ANKRD62: variants seen among roughly 807,000 people sequenced by gnomAD.
ANKRD62 encodes the protein ankyrin repeat domain-containing protein 62.
In ANKRD62, 61 loss-of-function variants were observed where a neutral mutation model predicts 98.8. That is an observed-to-expected ratio of 0.62 (90% confidence interval 0.50 to 0.76). The LOEUF is 0.76. Ranked by LOEUF, ANKRD62 falls within the 30% of genes least tolerant of loss-of-function variation. The pLI is 0.00. For synonymous variants in ANKRD62, 341 were observed against 367.9 expected (o/e 0.93, Z 0.84); for missense variants, 933 against 1,082.9 (o/e 0.86, Z 1.94).
At chr18:12,097,844 T>C (rs1023054190) in intron 5 of ANKRD62, 67 bp downstream of exon 5, 3 of 1,495,068 alleles carry the variant, frequency 2.0e-6, no homozygotes, top group African/African-American at 2.8e-5. Flanking sequence ...TTGCATCTTA[T>C]ATATCAAGTG....
At chr18:12,161,343 G>A in the ANKRD62 span, among the ~76,000 whole-genome samples, 1 of 151,998 alleles carries the variant, frequency 6.6e-6, no homozygotes, top group Non-Finnish European at 1.5e-5. Flanking sequence ...AAAAATTCCA[G>A]CCTATCTCAT....
the ANKRD62 span, among the ~76,000 whole-genome samples, chr18:12,138,460 T>A: frequency 6.6e-6 from 1 of 152,236 alleles, no homozygotes; most frequent in Non-Finnish European, 1.5e-5. Context: ...AGTGTTTTAC[T>A]TCCAACGATG....
At chr18:12,130,703 T>C (rs1707041830), downstream of ANKRD62, among the ~76,000 whole-genome samples, 1 of 151,414 alleles carries the variant, frequency 6.6e-6, no homozygotes, top group Non-Finnish European at 1.5e-5. Context: ...GGTTGGGGGA[T>C]GCAGTGGGGC....
chr18:12,116,518 C>T (rs1909669010), intron 10 of ANKRD62, among the ~76,000 whole-genome samples: 1 of 152,144 alleles, frequency 6.6e-6, no homozygotes, highest in Admixed American at 6.5e-5. Flanking sequence ...TGGGTCCTAT[C>T]GCCAAGATAT....
intron 1 of ANKRD62, 67 bp downstream of exon 1, chr18:12,094,302 G>A: frequency 1.5e-6 from 2 of 1,337,108 alleles, no homozygotes; most frequent in East Asian, 2.9e-5. Flanking sequence ...CTGGTTTCGG[G>A]GTAGGGGAGA....
At chr18:12,167,257 G>A in the ANKRD62 span, among the ~76,000 whole-genome samples, 1 of 151,654 alleles carries the variant, frequency 6.6e-6, no homozygotes, top group Non-Finnish European at 1.5e-5. Flanking sequence ...TTTACATTAA[G>A]TATTTCTCCT....
intron 6 of ANKRD62, chr18:12,102,165 A>C (rs1909313554): frequency 4.9e-6 from 5 of 1,023,032 alleles, no homozygotes; most frequent in African/African-American, 1.6e-5. Context: ...CCGAGTAACT[A>C]TGAAGAGTGA....
the ANKRD62 span, among the ~76,000 whole-genome samples, chr18:12,172,928 T>A: frequency 6.6e-6 from 1 of 152,224 alleles, no homozygotes; most frequent in Non-Finnish European, 1.5e-5. Context: ...TATAATTTGC[T>A]GGTGTGCCAT....
At position 12,115,080 on chromosome 18, in the gene ANKRD62, T is replaced by G. The variant is rs1179144617; in HGVS notation, c.1065-8T>G. 7.1e-7 allele frequency: 1 copy of G among 1,399,562 alleles called. No individual in the cohort carries two copies. Among genetic ancestry groups the G allele is most frequent in the Admixed American group, 3.1e-5 (1 of 31,984 alleles). 86.7% of individuals were successfully genotyped at this position (1,399,562 alleles called of 1,614,324 possible). ...TGCCTGATTGGAATTTTTTGGTTTT[T>G]TTTTTAGGCTTGCAAGGAAAACCTC... On this transcript the variant is annotated splice_region_variant and splice_polypyrimidine_tract_variant and intron_variant, in intron 8 of 13. Transcript: ENST00000587848.
At chr18:12,166,275 T>C in the ANKRD62 span, among the ~76,000 whole-genome samples, 1 of 152,170 alleles carries the variant, frequency 6.6e-6, no homozygotes, top group Non-Finnish European at 1.5e-5. Flanking sequence ...AATTCTTAGA[T>C]TTGCCCTTTT....
chr18:12,146,261 G>C, the ANKRD62 span, among the ~76,000 whole-genome samples: 2 of 152,178 alleles, frequency 1.3e-5, no homozygotes, highest in African/African-American at 4.8e-5. Context: ...TTCCTTGGCC[G>C]GCAGACATCT....
the ANKRD62 span, among the ~76,000 whole-genome samples, chr18:12,170,783 C>T: frequency 6.6e-6 from 1 of 152,088 alleles, no homozygotes; most frequent in Non-Finnish European, 1.5e-5. Flanking sequence ...TTGTAGGTCT[C>T]TAAGGACTTG....
chr18:12,095,497 A>G lies in ANKRD62; in HGVS notation c.394A>G (p.Asn132Asp). 2 of 1,572,664 alleles carry G rather than the reference A, an allele frequency of 1.3e-6. No homozygotes were observed. The highest frequency in any genetic ancestry group is 1.7e-6 in the Non-Finnish European group (2 of 1,164,862). Residue 132 changes from asparagine (N) to aspartate (D), a missense_variant, in exon 3 of 14, where the codon AAT becomes GAT. Physicochemically the swap from Asn to Asp is conservative, Grantham distance 23 (BLOSUM62 1). Transcript: ENST00000587848. ...CCTGCTGGAACATGGCGCCAACCCA[A>G]ATGTTAGAGATATGTATGGCAACAC... Reference protein sequence around the residue: ...SILLEHGANPNVRDMYGNTAL... With the variant: ...SILLEHGANPDVRDMYGNTAL...
rs1909105718 is a variant in ANKRD62, at chr18:12,093,960, G to A, written c.-58G>A. 4 of 1,495,298 alleles carry A rather than the reference G, an allele frequency of 2.7e-6. No individual in the cohort carries two copies. Among genetic ancestry groups the A allele is most frequent in the Non-Finnish European group, 2.7e-6 (3 of 1,112,616 alleles). The allele number at this position is 1,495,298 out of a possible 1,614,324, so 92.6% of individuals were successfully genotyped here. On this transcript the variant is annotated 5_prime_UTR_variant, in exon 1 of 14. Transcript: ENST00000587848. Reference sequence around the variant, plus strand: ...CGCTCCAGAGAGGCAGAAAACGAGTGGGAGCTGAGGTGTCTTAAAGCCGTT... The same window carrying A: ...CGCTCCAGAGAGGCAGAAAACGAGTAGGAGCTGAGGTGTCTTAAAGCCGTT...
the ANKRD62 span, among the ~76,000 whole-genome samples, chr18:12,171,605 C>G: frequency 1.3e-5 from 2 of 152,138 alleles, no homozygotes; most frequent in African/African-American, 4.8e-5. Flanking sequence ...GTGAATCTGA[C>G]AATTATGTGT....
At chr18:12,159,317 G>C in the ANKRD62 span, among the ~76,000 whole-genome samples, 8 of 152,000 alleles carry the variant, frequency 5.3e-5, no homozygotes, top group Non-Finnish European at 8.8e-5. Flanking sequence ...CTGATTTGGG[G>C]GTAATTTTCT....
intron 10 of ANKRD62, among the ~76,000 whole-genome samples, chr18:12,118,602 C>T (rs528920035): frequency 8.4e-4 from 102 of 121,702 alleles, no homozygotes; most frequent in African/African-American, 2.3e-3. Context: ...GAGTAAGGCT[C>T]TGTCTTAAAA....
chr18:12,167,003 T>C, the ANKRD62 span, among the ~76,000 whole-genome samples: 1 of 151,552 alleles, frequency 6.6e-6, no homozygotes, highest in Non-Finnish European at 1.5e-5. Flanking sequence ...AATAGTTTGC[T>C]CAGAATGATG....
At chr18:12,106,486 T>C (rs1400363465) in intron 7 of ANKRD62, among the ~76,000 whole-genome samples, 1 of 152,228 alleles carries the variant, frequency 6.6e-6, no homozygotes, top group Non-Finnish European at 1.5e-5. Context: ...AATTTATCGG[T>C]AATTTATCTG....
Sources: allele counts gnomAD v4.1 joint callset (sites outside exome capture counted in the v4.1 genomes callset), GRCh38; gene constraint gnomAD v4.1.1; transcripts MANE v1.5; gene names NCBI Gene and HGNC (gene_info 2026-07-23, HGNC 2026-07-21).